IL1RAPL1: variants seen among roughly 807,000 people sequenced by gnomAD.
The protein encoded by IL1RAPL1 is interleukin 1 receptor accessory protein like 1.
Under a neutral mutation model 48.4 loss-of-function variants are expected in IL1RAPL1, and 3 were observed. The observed-to-expected ratio is 0.06, with a 90% CI of 0.03 to 0.16. The LOEUF is 0.16. IL1RAPL1 is among the 10% of genes least tolerant of loss of function. The probability of loss-of-function intolerance (pLI) is 1.00; values close to 1 mark genes in which losing one functional copy is unlikely to be tolerated. For synonymous variants in IL1RAPL1, 185 were observed against 187.7 expected (o/e 0.99, Z 0.12); for missense variants, 349 against 530.6 (o/e 0.66, Z 3.36).
chrX:28,861,036 A>T (rs377550996), intron 2 of IL1RAPL1, among the ~76,000 whole-genome samples: 14 of 111,357 alleles, frequency 1.3e-4, no homozygotes, highest in African/African-American at 4.2e-4. Context: ...GTTTATAAGA[A>T]TTTTTTTCTC....
intron 2 of IL1RAPL1, among the ~76,000 whole-genome samples, chrX:29,215,868 T>C (rs1930858164): frequency 9.0e-6 from 1 of 111,327 alleles, no homozygotes; most frequent in African/African-American, 3.3e-5. Context: ...TTATTACTTA[T>C]ATGTTATAAA....
chrX:28,880,992 A>G (rs1922488843), intron 2 of IL1RAPL1, among the ~76,000 whole-genome samples: 1 of 111,355 alleles, frequency 9.0e-6, no homozygotes, highest in South Asian at 3.8e-4. Flanking sequence ...TCATTTTTAT[A>G]TCTGTATTAG....
rs373982383 is a variant in IL1RAPL1, at chrX:29,702,869, G to A, written c.778+34365G>A. Among the ~76,000 whole-genome samples the A allele has an allele frequency of 2.0e-4, 22 of 112,305 alleles. No homozygotes were observed. In the East Asian group the frequency reaches 4.7e-3, roughly 24 times the overall value. On this transcript the variant is annotated intron_variant, in intron 6 of 10. Coordinates refer to ENST00000378993, the MANE Select transcript of IL1RAPL1 (RefSeq NM_014271.4). The stretch of plus-strand genomic sequence containing the variant: ...AGCAATCATAAACTGCATATACAGA[G>A]CACATGAATAAATGGGAAGGATCCT...
intron 6 of IL1RAPL1, among the ~76,000 whole-genome samples, chrX:29,767,595 T>C (rs752989088): frequency 5.7e-4 from 64 of 112,148 alleles, no homozygotes; most frequent in African/African-American, 2.1e-3. Context: ...GTCTATATTA[T>C]CTGTAATTTA....
intron 1 of IL1RAPL1, among the ~76,000 whole-genome samples, chrX:28,753,544 C>G (rs926324488): frequency 1.8e-5 from 2 of 112,191 alleles, no homozygotes; most frequent in Non-Finnish European, 3.8e-5. Context: ...AATAATGCAT[C>G]GTATAATCTT....
intron 2 of IL1RAPL1, among the ~76,000 whole-genome samples, chrX:28,836,245 G>A (rs1022531761): frequency 8.4e-5 from 9 of 107,549 alleles, no homozygotes; most frequent in Non-Finnish European, 1.5e-4. Flanking sequence ...GTGTGTTGAA[G>A]GCAATTAAGA....
intron 2 of IL1RAPL1, among the ~76,000 whole-genome samples, chrX:28,927,526 A>G (rs1470919527): frequency 9.0e-6 from 1 of 111,011 alleles, no homozygotes; most frequent in Non-Finnish European, 1.9e-5. Context: ...CATACTTTTT[A>G]TTGCAATTAT....
chrX:29,322,017 A>C (rs746775741), intron 3 of IL1RAPL1, among the ~76,000 whole-genome samples: 2 of 110,792 alleles, frequency 1.8e-5, no homozygotes, highest in South Asian at 3.8e-4. Flanking sequence ...TGCAAAAAAA[A>C]AACCCTAATT....
intron 2 of IL1RAPL1, among the ~76,000 whole-genome samples, chrX:29,213,010 T>C (rs777880035): frequency 3.6e-5 from 4 of 111,497 alleles, no homozygotes; most frequent in African/African-American, 1.3e-4. Flanking sequence ...TTTTTTTTCT[T>C]TTTTTGACAT....
At chrX:28,795,353 C>G (rs1220789400) in intron 2 of IL1RAPL1, among the ~76,000 whole-genome samples, 1 of 111,448 alleles carries the variant, frequency 9.0e-6, no homozygotes, top group African/African-American at 3.3e-5. Flanking sequence ...TTAGTTATAT[C>G]TATGTTCTGT....
At chrX:29,799,553 T>C (rs1929827165) in intron 6 of IL1RAPL1, among the ~76,000 whole-genome samples, 1 of 112,507 alleles carries the variant, frequency 8.9e-6, no homozygotes, top group Non-Finnish European at 1.9e-5. Context: ...GAAATTAGAC[T>C]AAGAGCATAA....
intron 1 of IL1RAPL1, among the ~76,000 whole-genome samples, chrX:28,653,195 C>T: frequency 9.0e-6 from 1 of 111,500 alleles, no homozygotes; most frequent in Non-Finnish European, 1.9e-5. Context: ...GCTTTCTTGG[C>T]CAGGTGTGGT....
rs912287760 is a variant in IL1RAPL1, at chrX:28,957,362, T to G, written c.82+167937T>G. 2.7e-5 allele frequency among the ~76,000 whole-genome samples: 3 copies of G among 112,216 alleles called. No homozygotes were observed. In the East Asian group the frequency reaches 8.4e-4, roughly 31 times the overall value. On this transcript the variant is annotated intron_variant, in intron 2 of 10. Transcript: ENST00000378993. Reference sequence around the variant, plus strand: ...AATTTCATATATTTTATTTCCCACCTTTCATTTTATTTTTAGTCTCCATTT... The same window carrying G: ...AATTTCATATATTTTATTTCCCACCGTTCATTTTATTTTTAGTCTCCATTT...
intron 5 of IL1RAPL1, among the ~76,000 whole-genome samples, chrX:29,631,535 C>T (rs774453618): frequency 1.8e-5 from 2 of 112,286 alleles, no homozygotes; most frequent in Non-Finnish European, 3.8e-5. Flanking sequence ...CCTGCCTCGG[C>T]CCCCACAAAG....
intron 1 of IL1RAPL1, among the ~76,000 whole-genome samples, chrX:28,787,395 C>T (rs1330893735): frequency 5.4e-5 from 6 of 111,022 alleles, no homozygotes; most frequent in Admixed American, 4.8e-4. Context: ...AAATGGTATT[C>T]GGGTTTTAGG....
At chrX:28,910,504 G>A (rs1234337850) in intron 2 of IL1RAPL1, among the ~76,000 whole-genome samples, 8 of 109,154 alleles carry the variant, frequency 7.3e-5, no homozygotes, top group Non-Finnish European at 1.3e-4. Flanking sequence ...ATTTCAAGAA[G>A]GCTGAAACTG....
chrX:29,695,394 T>C (rs761585598), intron 6 of IL1RAPL1, among the ~76,000 whole-genome samples: 1 of 111,644 alleles, frequency 9.0e-6, no homozygotes, highest in East Asian at 2.8e-4. Context: ...TCCAGTTATA[T>C]AATTTGAAGA....
At chrX:28,957,326 A>G (rs1051891422) in intron 2 of IL1RAPL1, among the ~76,000 whole-genome samples, 3 of 111,958 alleles carry the variant, frequency 2.7e-5, no homozygotes, top group Non-Finnish European at 3.8e-5. Context: ...CATTTGACAC[A>G]TAAGAATGAC....
At chrX:29,553,358 A>T (rs142865802) in intron 5 of IL1RAPL1, among the ~76,000 whole-genome samples, 1 of 111,578 alleles carries the variant, frequency 9.0e-6, no homozygotes, top group Non-Finnish European at 1.9e-5. Flanking sequence ...GTCTTCCCTA[A>T]GAAGTTTTTC....
Sources: allele counts gnomAD v4.1 joint callset (sites outside exome capture counted in the v4.1 genomes callset), GRCh38; gene constraint gnomAD v4.1.1; transcripts MANE v1.5; gene names NCBI Gene and HGNC (gene_info 2026-07-23, HGNC 2026-07-21).